SPAG16: variants seen among roughly 807,000 people sequenced by gnomAD.
SPAG16 encodes the protein sperm-associated antigen 16 protein.
Under a neutral mutation model 80.4 loss-of-function variants are expected in SPAG16, and 86 were observed. The observed-to-expected ratio is 1.07, with a 90% CI of 0.90 to 1.28. SPAG16 has a LOEUF of 1.28. Among genes scored for constraint, SPAG16 ranks in the 50% most tolerant of loss-of-function variants. The pLI, the probability that SPAG16 is intolerant of heterozygous loss-of-function variation, is 0.00. For synonymous variants in SPAG16, 294 were observed against 265.9 expected, an observed-to-expected ratio of 1.11 and a Z score of -1.03; for missense variants, 870 against 765.3, an observed-to-expected ratio of 1.14 and a Z score of -1.61.
At position 214,028,960 on chromosome 2, in the gene SPAG16, G is replaced by C. The variant is rs572126375; in HGVS notation, c.1527+14883G>C. On this transcript the variant is annotated intron_variant, in intron 13 of 15. Transcript: ENST00000331683. ...ATACAATTTTTTTTTAAAGACTAAAGTCTCTGCCTTTGGGGAGACTTTTAG... is the reference window on the plus strand; with the variant it reads ...ATACAATTTTTTTTTAAAGACTAAACTCTCTGCCTTTGGGGAGACTTTTAG... Among the ~76,000 whole-genome samples, 12 of 152,026 alleles carry C rather than the reference G, an allele frequency of 7.9e-5. No individual in the cohort carries two copies. The East Asian group carries it at 2.3e-3, about 29-fold the overall frequency.
intron 10 of SPAG16, among the ~76,000 whole-genome samples, chr2:213,748,736 C>A (rs1052837678): frequency 1.3e-5 from 2 of 151,970 alleles, no homozygotes; most frequent in African/African-American, 4.8e-5. Context: ...CAATTTAATT[C>A]TTTTTTAGAT....
intron 10 of SPAG16, among the ~76,000 whole-genome samples, chr2:213,723,695 A>G (rs7602734): frequency 0.93 from 141,477 of 152,262 alleles, 66,640 homozygotes; most frequent in East Asian, 1. Context: ...ACCTCAGCTA[A>G]TAGAGATTTT....
chr2:213,784,550 G>A (rs940464024), intron 10 of SPAG16, among the ~76,000 whole-genome samples: 3 of 134,426 alleles, frequency 2.2e-5, no homozygotes, highest in East Asian at 2.2e-4. Context: ...TTTTACTTAC[G>A]ATAAAATTGT....
At chr2:213,366,397 C>A (rs2066292566) in intron 8 of SPAG16, among the ~76,000 whole-genome samples, 1 of 148,572 alleles carries the variant, frequency 6.7e-6, no homozygotes, top group African/African-American at 2.5e-5. Flanking sequence ...GTGAGAAAAT[C>A]TTTTTTTTTT....
chr2:213,449,527 C>A (rs2071560911), intron 9 of SPAG16, among the ~76,000 whole-genome samples: 1 of 152,150 alleles, frequency 6.6e-6, no homozygotes, highest in Non-Finnish European at 1.5e-5. Flanking sequence ...GTGATGTCAC[C>A]CCTCGCGGCC....
intron 9 of SPAG16, among the ~76,000 whole-genome samples, chr2:213,471,863 A>AG: frequency 6.6e-6 from 1 of 152,336 alleles, no homozygotes; most frequent in Admixed American, 6.5e-5. Flanking sequence ...TCTTGGTTGT[A>AG]GGTGGGGTCA....
At chr2:213,574,207 G>T (rs2060032216) in intron 10 of SPAG16, among the ~76,000 whole-genome samples, 1 of 151,986 alleles carries the variant, frequency 6.6e-6, no homozygotes, top group Admixed American at 6.6e-5. Flanking sequence ...GTCTAATCTT[G>T]TTTATCCAGT....
intron 10 of SPAG16, among the ~76,000 whole-genome samples, chr2:213,781,773 T>C (rs1047533396): frequency 6.6e-6 from 1 of 152,202 alleles, no homozygotes; most frequent in East Asian, 1.9e-4. Flanking sequence ...AAGACTGCTC[T>C]TGAATGTGTT....
intron 12 of SPAG16, among the ~76,000 whole-genome samples, chr2:213,969,422 G>A (rs911558507): frequency 3.3e-5 from 5 of 152,152 alleles, no homozygotes; most frequent in Non-Finnish European, 5.9e-5. Flanking sequence ...TTGAAACGTA[G>A]TCCCAAATAT....
chr2:213,357,412 A>T (rs1249361004), intron 7 of SPAG16, among the ~76,000 whole-genome samples: 1 of 152,154 alleles, frequency 6.6e-6, no homozygotes, highest in East Asian at 1.9e-4. Context: ...TAGGTCTCTA[A>T]GGACTTCCTT....
chr2:213,987,730 T>C (rs1049730132), intron 12 of SPAG16, among the ~76,000 whole-genome samples: 1 of 151,180 alleles, frequency 6.6e-6, no homozygotes, highest in African/African-American at 2.4e-5. Context: ...TATGCATGCC[T>C]TTAATTCCTA....
At chr2:213,605,005 T>C (rs1482750163) in intron 10 of SPAG16, among the ~76,000 whole-genome samples, 2 of 150,594 alleles carry the variant, frequency 1.3e-5, no homozygotes, top group East Asian at 3.9e-4. Context: ...TATTATCTTT[T>C]TCGCATCACC....
intron 14 of SPAG16, among the ~76,000 whole-genome samples, chr2:214,125,737 G>C (rs2054442256): frequency 6.6e-6 from 1 of 151,626 alleles, no homozygotes; most frequent in Non-Finnish European, 1.5e-5. Context: ...CCATCTTAAG[G>C]ATCATAGCCA....
At chr2:214,034,085 T>C (rs978195200) in intron 13 of SPAG16, among the ~76,000 whole-genome samples, 1 of 152,244 alleles carries the variant, frequency 6.6e-6, no homozygotes, top group African/African-American at 2.4e-5. Context: ...CAGCTATTTA[T>C]AGAATGTCTC....
At chr2:213,808,989 G>T in intron 10 of SPAG16, among the ~76,000 whole-genome samples, 1 of 152,140 alleles carries the variant, frequency 6.6e-6, no homozygotes, top group Non-Finnish European at 1.5e-5. Flanking sequence ...TGGCATGACT[G>T]GGATCAGCAA....
At chr2:213,944,143 C>T (rs185935059) in intron 12 of SPAG16, among the ~76,000 whole-genome samples, 155 of 152,318 alleles carry the variant, frequency 1.0e-3, no homozygotes, top group African/African-American at 3.6e-3. Flanking sequence ...TATGTGAACC[C>T]ACCAATGGGT....
chr2:213,684,145 G>A (rs563283241), intron 10 of SPAG16, among the ~76,000 whole-genome samples: 3 of 152,178 alleles, frequency 2.0e-5, no homozygotes, highest in Admixed American at 6.5e-5. Context: ...AAGCTATCCT[G>A]TCAACACTGG....
At chr2:213,636,470 A>AT (rs1036405049) in intron 10 of SPAG16, among the ~76,000 whole-genome samples, 2 of 151,668 alleles carry the variant, frequency 1.3e-5, no homozygotes, top group Non-Finnish European at 1.5e-5. Flanking sequence ...TTTTAGGATT[A>AT]TTTTTTCTAG....
intron 10 of SPAG16, among the ~76,000 whole-genome samples, chr2:213,780,061 G>A (rs2114638): frequency 0.25 from 38,026 of 152,034 alleles, 5,237 homozygotes; most frequent in Middle Eastern, 0.39. Flanking sequence ...TGAATAAAAT[G>A]GTACTAGATT....
Sources: gnomAD v4.1 joint callset for allele counts (sites outside exome capture counted in the v4.1 genomes callset) on GRCh38, gnomAD v4.1.1 for gene constraint, MANE v1.5 for transcripts, NCBI Gene and HGNC (gene_info 2026-07-23, HGNC 2026-07-21) for gene names.